The following KMT2C variants were observed in gnomAD, a reference collection of about 807,000 sequenced individuals.
KMT2C encodes lysine methyltransferase 2C, also known as histone-lysine N-methyltransferase 2C.
In KMT2C, 88 loss-of-function variants were observed where a neutral mutation model predicts 507.9. That is an observed-to-expected ratio of 0.17 (90% CI 0.15 to 0.21). The LOEUF (loss-of-function observed/expected upper bound fraction) is 0.21, where lower values mean the gene tolerates loss of function less well. KMT2C is among the 10% of genes least tolerant of loss of function. KMT2C has a pLI of 1.00. For missense variants in KMT2C, 4,954 were observed against 5,957.8 expected (o/e 0.83, Z 5.55); for synonymous variants, 2,049 against 2,080.8 (o/e 0.98, Z 0.42).
chr7:152,430,065 CT>C (rs751424579), intron 1 of KMT2C, among the ~76,000 whole-genome samples: 27 of 150,926 alleles, frequency 1.8e-4, no homozygotes, highest in Non-Finnish European at 3.5e-4. Flanking sequence ...GTAATCCCAG[CT>C]TTTTGGGAGG....
At chr7:152,242,653 G>A (rs1299843866) in intron 14 of KMT2C, among the ~76,000 whole-genome samples, 1 of 152,184 alleles carries the variant, frequency 6.6e-6, no homozygotes, top group African/African-American at 2.4e-5. Context: ...GTCCAAGCTA[G>A]TAAGTTATAC....
intron 3 of KMT2C, among the ~76,000 whole-genome samples, chr7:152,323,903 TA>T (rs1374683082): frequency 6.6e-6 from 1 of 151,424 alleles, no homozygotes; most frequent in Admixed American, 6.6e-5. Context: ...ATCTAGAGGA[TA>T]TCATGCTAAG....
At chr7:152,350,963 TTCTC>T (rs1477300652) in intron 2 of KMT2C, among the ~76,000 whole-genome samples, 1 of 152,180 alleles carries the variant, frequency 6.6e-6, no homozygotes, top group African/African-American at 2.4e-5. Context: ...TCTTTTTTGT[TTCTC>T]TGTTTTTGTT....
intron 1 of KMT2C, among the ~76,000 whole-genome samples, chr7:152,391,559 T>C (rs2097498746): frequency 6.6e-6 from 1 of 152,092 alleles, no homozygotes. Flanking sequence ...TTTTTTTTTT[T>C]TTTTTGACAC....
chr7:152,323,026 A>G (rs764937639), intron 3 of KMT2C, among the ~76,000 whole-genome samples: 7 of 151,868 alleles, frequency 4.6e-5, no homozygotes, highest in Non-Finnish European at 8.8e-5. Flanking sequence ...AAGATGAAAG[A>G]TAAGTATTGC....
chr7:152,242,804 T>C (rs2095409470), intron 14 of KMT2C, among the ~76,000 whole-genome samples: 1 of 152,170 alleles, frequency 6.6e-6, no homozygotes, highest in Non-Finnish European at 1.5e-5. Flanking sequence ...AAGAGTACTA[T>C]CAGTTTTAAA....
chr7:152,348,214 G>C (rs963138106), intron 2 of KMT2C, among the ~76,000 whole-genome samples: 1 of 152,026 alleles, frequency 6.6e-6, no homozygotes, highest in Admixed American at 6.6e-5. Flanking sequence ...TTCGAATATT[G>C]AACACACCCA....
At position 152,159,060 on chromosome 7, in the gene KMT2C, C is replaced by T. The variant is rs756283407; in HGVS notation, c.11473G>A (p.Ala3825Thr). ...CATCCAAAACCACCTTGCATTTGAG[C>T]CCCCAAAGTTTGCTAATGTAATTGG... ...NPAEGLQTLG[A>T]QMQGGFGCGN... The change falls in exon 44 of 59, where the codon GCT (alanine) becomes ACT (threonine). Residue 3825 changes from alanine (A) to threonine (T), a missense_variant. Ala to Thr is a moderately conservative substitution (Grantham distance 58, BLOSUM62 0). Around this residue, in one of 29 missense-constraint regions of KMT2C, gnomAD observed 801 missense variants for 751.2 expected, o/e 1.07. Transcript: ENST00000262189. 1 of 1,613,956 alleles carries T rather than the reference C, an allele frequency of 6.2e-7. No individual in the cohort carries two copies. Among genetic ancestry groups the T allele is most frequent in the Non-Finnish European group, 8.5e-7 (1 of 1,180,002 alleles).
intron 1 of KMT2C, among the ~76,000 whole-genome samples, chr7:152,398,249 C>G (rs755048098): frequency 2.6e-5 from 4 of 152,214 alleles, no homozygotes; most frequent in Non-Finnish European, 5.9e-5. Context: ...TGGTTCACCA[C>G]TGAATCCTTA....
chr7:152,224,330 T>A (rs2094864766), intron 19 of KMT2C, 105 bp downstream of exon 19: 1 of 1,281,972 alleles, frequency 7.8e-7, no homozygotes, highest in Middle Eastern at 2.8e-4. Flanking sequence ...TCATAGAATA[T>A]GTGTATTATT....
At chr7:152,371,659 G>C (rs2097294494) in intron 1 of KMT2C, among the ~76,000 whole-genome samples, 2 of 151,540 alleles carry the variant, frequency 1.3e-5, no homozygotes, top group South Asian at 4.2e-4. Flanking sequence ...TGTCACCCAG[G>C]CTGGAGTGCA....
chr7:152,192,799 C>T (rs1304119648), intron 31 of KMT2C, among the ~76,000 whole-genome samples: 1 of 152,140 alleles, frequency 6.6e-6, no homozygotes, highest in Non-Finnish European at 1.5e-5. Flanking sequence ...GAGAAGATAT[C>T]CTCATGTTAT....
intron 43 of KMT2C, 139 bp downstream of exon 43, chr7:152,161,978 G>C: frequency 2.1e-6 from 2 of 960,028 alleles, no homozygotes; most frequent in Non-Finnish European, 2.8e-6. Flanking sequence ...CAGAGAGGTA[G>C]AAATGACAAA....
Position 152,181,308 on chromosome 7 carries a change from A to AACAAACT in KMT2C, c.6551_6552insAGTTTGT (p.Thr2185ValfsTer6), listed in dbSNP as rs2093427125. On this transcript the variant is annotated frameshift_variant, in exon 36 of 59. Transcript: ENST00000262189. LOFTEE classifies it high-confidence loss of function. ...GTGTAACAAACAAGTCAGTTTGTGTAGATGGTCTTGGGGTTTGGGGCTGCT... is the reference window on the plus strand; with the variant it reads ...GTGTAACAAACAAGTCAGTTTGTGTAACAAACTGATGGTCTTGGGGTTTGGGGCTGCT... 1 of 1,613,894 alleles carries AACAAACT rather than the reference A, an allele frequency of 6.2e-7. No homozygotes were observed. Among genetic ancestry groups the AACAAACT allele is most frequent in the African/African-American group, 1.3e-5 (1 of 74,856 alleles).
intron 3 of KMT2C, among the ~76,000 whole-genome samples, chr7:152,325,307 C>T (rs2096817241): frequency 6.7e-6 from 1 of 149,478 alleles, no homozygotes; most frequent in Non-Finnish European, 1.5e-5. Flanking sequence ...CACCACCACG[C>T]CCAGCTAATT....
At chr7:152,143,394 G>A (rs1019029041) in intron 55 of KMT2C, among the ~76,000 whole-genome samples, 2 of 152,228 alleles carry the variant, frequency 1.3e-5, no homozygotes, top group African/African-American at 4.8e-5. Flanking sequence ...GAACAGAAGG[G>A]GAGAAAGGAT....
At chr7:152,421,815 T>C (rs569790008) in intron 1 of KMT2C, among the ~76,000 whole-genome samples, 2 of 152,220 alleles carry the variant, frequency 1.3e-5, no homozygotes, top group African/African-American at 4.8e-5. Flanking sequence ...ACAAAATGAT[T>C]TGTGCTCTAA....
Position 152,199,240 on chromosome 7 carries a change from T to C in KMT2C, c.4273+39A>G, listed in dbSNP as rs531516461. On this transcript the variant is annotated intron_variant, in intron 27 of 58. Transcript: ENST00000262189. ...TTAACTGAAAGGAAGATGTATGTTA[T>C]ATGATATAAAGAAAATATCTGTGAA... 1.9e-5 allele frequency: 29 copies of C among 1,487,936 alleles called. 2 individuals are homozygous for C. The South Asian group carries it at 3.6e-4, about 18-fold the overall frequency. 92.2% of individuals were successfully genotyped at this position (1,487,936 alleles called of 1,614,324 possible).
At chr7:152,142,582 T>C (rs938968601) in intron 55 of KMT2C, among the ~76,000 whole-genome samples, 1 of 152,260 alleles carries the variant, frequency 6.6e-6, no homozygotes, top group African/African-American at 2.4e-5. Flanking sequence ...AACCTCACGT[T>C]TGGGAATATA....
Sources: allele counts gnomAD v4.1 joint callset (sites outside exome capture counted in the v4.1 genomes callset), GRCh38; gene constraint gnomAD v4.1.1; regional missense constraint gnomAD v4.1.1; transcripts MANE v1.5; gene names NCBI Gene and HGNC (gene_info 2026-07-23, HGNC 2026-07-21).